Variants in ZNF385D observed in about 807,000 individuals in gnomAD.
ZNF385D encodes zinc finger protein 659.
ZNF385D carries 15 observed loss-of-function variants against 35.8 expected under a neutral mutation model. The observed-to-expected ratio is 0.42, with a 90% CI of 0.28 to 0.64. The LOEUF is 0.64. Among genes scored for constraint, ZNF385D ranks in the 30% least tolerant of loss-of-function variants. The probability of loss-of-function intolerance (pLI) is 0.23; values close to 1 mark genes in which losing one functional copy is unlikely to be tolerated. For synonymous variants in ZNF385D, 212 were observed against 186.8 expected (o/e 1.13, Z -1.10); for missense variants, 474 against 494.6 (o/e 0.96, Z 0.39).
intron 1 of ZNF385D, among the ~76,000 whole-genome samples, chr3:21,684,803 G>A (rs1034146253): frequency 6.6e-6 from 1 of 152,138 alleles, no homozygotes; most frequent in Admixed American, 6.6e-5. Context: ...AGTTAAGAAT[G>A]TCACATTTTT....
chr3:22,232,627 G>A (rs1189853170), intron 2 of ZNF385D, among the ~76,000 whole-genome samples: 1 of 152,144 alleles, frequency 6.6e-6, no homozygotes, highest in East Asian at 1.9e-4. Context: ...TTACGAGTGA[G>A]AACATGTGGT....
At chr3:21,436,868 G>T in intron 5 of ZNF385D, 102 bp downstream of exon 5, 1 of 1,094,740 alleles carries the variant, frequency 9.1e-7, no homozygotes, top group Non-Finnish European at 1.3e-6. Context: ...ATAATTGCCA[G>T]TTTTCCTCCA....
At chr3:21,523,410 C>G (rs1294020287) in intron 3 of ZNF385D, among the ~76,000 whole-genome samples, 1 of 152,110 alleles carries the variant, frequency 6.6e-6, no homozygotes, top group Non-Finnish European at 1.5e-5. Context: ...CTTCAGAGGA[C>G]ATAAGACTAA....
At chr3:21,826,363 A>T (rs1694626978) in intron 3 of ZNF385D, among the ~76,000 whole-genome samples, 1 of 152,194 alleles carries the variant, frequency 6.6e-6, no homozygotes, top group Non-Finnish European at 1.5e-5. Flanking sequence ...TTTCCAGCAC[A>T]GTGGCCCTGT....
At chr3:21,434,747 G>A (rs542599132) in intron 5 of ZNF385D, among the ~76,000 whole-genome samples, 3 of 152,242 alleles carry the variant, frequency 2.0e-5, no homozygotes, top group East Asian at 3.9e-4. Flanking sequence ...GCTCTAAAAT[G>A]AGCATTAGGC....
chr3:21,827,941 A>C (rs527256732), intron 3 of ZNF385D, among the ~76,000 whole-genome samples: 1 of 152,170 alleles, frequency 6.6e-6, no homozygotes, highest in South Asian at 2.1e-4. Context: ...TTAATCTTCA[A>C]CTAGGAATCT....
intron 4 of ZNF385D, among the ~76,000 whole-genome samples, chr3:21,455,677 G>A (rs1428314350): frequency 6.6e-6 from 1 of 151,990 alleles, no homozygotes. Flanking sequence ...TAGGCATGGG[G>A]GGCAAGGACT....
chr3:21,647,116 T>A (rs926942083), intron 2 of ZNF385D, among the ~76,000 whole-genome samples: 2 of 152,220 alleles, frequency 1.3e-5, no homozygotes, highest in African/African-American at 4.8e-5. Context: ...AGTAACTCAT[T>A]ATGCAAATTC....
intron 3 of ZNF385D, among the ~76,000 whole-genome samples, chr3:21,855,486 C>A (rs907938389): frequency 1.3e-5 from 2 of 151,990 alleles, no homozygotes; most frequent in African/African-American, 2.4e-5. Flanking sequence ...CTGTTTTAAT[C>A]CAGTGAGTCT....
intron 2 of ZNF385D, among the ~76,000 whole-genome samples, chr3:21,612,286 G>GA (rs773254684): frequency 1.0e-3 from 152 of 152,118 alleles, no homozygotes; most frequent in South Asian, 3.1e-3. Flanking sequence ...TTTTAGTAGA[G>GA]ACGGGGTATC....
At chr3:21,726,324 C>T (rs917459695) in intron 1 of ZNF385D, among the ~76,000 whole-genome samples, 2 of 152,054 alleles carry the variant, frequency 1.3e-5, no homozygotes, top group African/African-American at 4.8e-5. Flanking sequence ...GAAGTTCTGG[C>T]CAGGGCAATC....
At chr3:21,437,464 T>C (rs534313907) in intron 4 of ZNF385D, among the ~76,000 whole-genome samples, 3 of 152,006 alleles carry the variant, frequency 2.0e-5, no homozygotes, top group African/African-American at 7.2e-5. Context: ...GGGGTAAATA[T>C]CCACAAATTT....
intron 2 of ZNF385D, among the ~76,000 whole-genome samples, chr3:21,566,048 C>G (rs996800028): frequency 4.6e-5 from 7 of 152,118 alleles, no homozygotes; most frequent in African/African-American, 1.7e-4. Context: ...ATTCACAACT[C>G]CTATTAGGTT....
intron 3 of ZNF385D, among the ~76,000 whole-genome samples, chr3:22,135,254 A>G (rs947501282): frequency 2.0e-5 from 3 of 152,228 alleles, no homozygotes; most frequent in East Asian, 1.9e-4. Flanking sequence ...GAAAGCTCCT[A>G]TAACTAGTAA....
At chr3:21,458,290 T>G (rs1559309510) in intron 4 of ZNF385D, among the ~76,000 whole-genome samples, 1 of 144,400 alleles carries the variant, frequency 6.9e-6, no homozygotes. Flanking sequence ...CTGAGCAACA[T>G]AGTGAGACCT....
chr3:21,998,304 C>T (rs1391328), intron 3 of ZNF385D, among the ~76,000 whole-genome samples: 99,506 of 152,030 alleles, frequency 0.65, 33,878 homozygotes, highest in African/African-American at 0.82. Flanking sequence ...TGCTGTGCAC[C>T]GGTGCTCTAA....
chr3:21,643,478 T>C (rs933905091), intron 2 of ZNF385D, among the ~76,000 whole-genome samples: 17 of 152,120 alleles, frequency 1.1e-4, no homozygotes, highest in African/African-American at 3.4e-4. Context: ...AGAGTTTCCT[T>C]GTGTTCACCA....
chr3:22,103,826 G>C (rs1702065427), intron 3 of ZNF385D, among the ~76,000 whole-genome samples: 1 of 151,898 alleles, frequency 6.6e-6, no homozygotes, highest in Non-Finnish European at 1.5e-5. Flanking sequence ...ATAGTTGAGG[G>C]GGGTGACTTT....
At chr3:22,207,126 C>G (rs1406800755) in intron 2 of ZNF385D, among the ~76,000 whole-genome samples, 1 of 151,886 alleles carries the variant, frequency 6.6e-6, no homozygotes, top group Non-Finnish European at 1.5e-5. Context: ...CTATAAGCAA[C>G]AGTAAGCCAA....
Sources: gnomAD v4.1 joint callset for allele counts (sites outside exome capture counted in the v4.1 genomes callset) on GRCh38, gnomAD v4.1.1 for gene constraint, MANE v1.5 for transcripts, NCBI Gene and HGNC (gene_info 2026-07-23, HGNC 2026-07-21) for gene names.